Variants in DOCK10 observed in about 807,000 individuals in gnomAD.
The protein encoded by DOCK10 is dedicator of cytokinesis protein 10.
Under a neutral mutation model 280.1 loss-of-function variants are expected in DOCK10, and 145 were observed. That is an observed-to-expected ratio of 0.52 (90% CI 0.45 to 0.59). The LOEUF is 0.59. Ranked by LOEUF, DOCK10 falls within the 20% of genes least tolerant of loss-of-function variation. The probability of loss-of-function intolerance (pLI) is 0.00; values close to 1 mark genes in which losing one functional copy is unlikely to be tolerated. For missense variants in DOCK10, 2,368 were observed against 2,651.7 expected, an observed-to-expected ratio of 0.89 and a Z score of 2.35; for synonymous variants, 915 against 942.2, an observed-to-expected ratio of 0.97 and a Z score of 0.53.
chr2:224,791,241 T>C (rs576838293), intron 47 of DOCK10, among the ~76,000 whole-genome samples: 2 of 152,232 alleles, frequency 1.3e-5, no homozygotes, highest in South Asian at 4.1e-4. Flanking sequence ...TGATAAGCAA[T>C]AGATGAGGAG....
intron 19 of DOCK10, among the ~76,000 whole-genome samples, chr2:224,846,621 C>T (rs1270390887): frequency 3.3e-5 from 5 of 151,832 alleles, no homozygotes; most frequent in African/African-American, 7.3e-5. Context: ...CTCAGCCTCC[C>T]GAGTAGCTGG....
chr2:224,985,665 AC>A lies in DOCK10; in HGVS notation c.124-53998del, dbSNP rs577119998. 1.4e-4 allele frequency among the ~76,000 whole-genome samples: 22 copies of A among 151,940 alleles called. No homozygotes were observed. In the East Asian group the frequency reaches 4.2e-3, roughly 29 times the overall value. ...AAGAGAAAAACGAATGAAGGGACTA[AC>A]AAAAACCACCAAAATCGTACTGAAT... is the stretch of plus-strand genomic sequence containing the variant. On this transcript the variant is annotated intron_variant, in intron 1 of 55. Transcript: ENST00000258390.
intron 1 of DOCK10, among the ~76,000 whole-genome samples, chr2:224,998,598 C>A (rs1398686040): frequency 6.6e-6 from 1 of 152,138 alleles, no homozygotes; most frequent in Non-Finnish European, 1.5e-5. Flanking sequence ...TAAAATAACT[C>A]CCCCACAACA....
chr2:224,931,482 G>T, intron 2 of DOCK10, 67 bp downstream of exon 2: 1 of 1,515,954 alleles, frequency 6.6e-7, no homozygotes. Flanking sequence ...TGAATCTACA[G>T]GGAAAGACAA....
In DOCK10 at chr2:224,796,355, T is replaced by C; in HGVS notation, c.4899A>G (p.Ala1633=). Residue 1633 remains alanine (A), a synonymous_variant, in exon 44 of 56, where the codon GCA becomes GCG. Coordinates refer to ENST00000258390, the MANE Select transcript of DOCK10 (RefSeq NM_014689.3). The stretch of plus-strand genomic sequence containing the variant: ...CTCCATTGGCGAAATTATTGGTAAT[T>C]GCAAGCGAATGTTGAAACCGAGAGC... ...IGGSRFQHSL[A]ITNNFANGDK... The C allele has an allele frequency of 6.4e-7, 1 of 1,573,116 alleles. No homozygotes were observed. Among genetic ancestry groups the C allele is most frequent in the Non-Finnish European group, 8.6e-7 (1 of 1,157,958 alleles).
chr2:224,941,486 G>A (rs1241189066), intron 1 of DOCK10, among the ~76,000 whole-genome samples: 2 of 152,114 alleles, frequency 1.3e-5, no homozygotes, highest in Non-Finnish European at 2.9e-5. Context: ...GGCTGGGGCT[G>A]GTATAATAAG....
chr2:224,846,672 T>A (rs1696376161), intron 19 of DOCK10, among the ~76,000 whole-genome samples: 1 of 152,174 alleles, frequency 6.6e-6, no homozygotes. Context: ...AATTTTTGTA[T>A]TTTTTGTAGA....
chr2:224,916,754 A>G lies in DOCK10; in HGVS notation c.274T>C (p.Leu92=), dbSNP rs1357860184. The change falls in exon 3 of 56, where the codon TTG becomes CTG. Residue 92 remains leucine, a synonymous_variant. Coordinates refer to ENST00000258390, the MANE Select transcript of DOCK10 (RefSeq NM_014689.3). ...GCATCTTCAGGTACTGTTGAGTACA[A>G]CGTGCGGATATCCCAGGAAACTGTG... ...AATVSWDIRT[L]YSTVPEDAEH... 1.2e-6 allele frequency: 2 copies of G among 1,611,080 alleles called. No individual in the cohort carries two copies. Among genetic ancestry groups the G allele is most frequent in the Non-Finnish European group, 1.7e-6 (2 of 1,178,612 alleles).
chr2:224,963,727 A>C (rs1383761883), intron 1 of DOCK10, among the ~76,000 whole-genome samples: 2 of 152,220 alleles, frequency 1.3e-5, no homozygotes, highest in Admixed American at 6.5e-5. Context: ...TCAAGTAGTA[A>C]TTTTATATTA....
At chr2:224,873,594 CA>C (rs35401247) in intron 11 of DOCK10, among the ~76,000 whole-genome samples, 3,356 of 33,432 alleles carry the variant, frequency 0.1, 11 homozygotes, top group South Asian at 0.18. Flanking sequence ...AAGACCATCT[CA>C]AAAAAAAAAA....
intron 1 of DOCK10, among the ~76,000 whole-genome samples, chr2:225,031,032 C>CCTA (rs780111207): frequency 1.3e-5 from 2 of 152,152 alleles, no homozygotes; most frequent in African/African-American, 2.4e-5. Flanking sequence ...TTAGTAAGCA[C>CCTA]CTACTATGTG....
chr2:224,780,730 G>A (rs1365276498), intron 50 of DOCK10, among the ~76,000 whole-genome samples: 7 of 151,838 alleles, frequency 4.6e-5, no homozygotes, highest in South Asian at 4.2e-4. Context: ...GTGAAACCCC[G>A]TCTCTCTAAA....
intron 1 of DOCK10, among the ~76,000 whole-genome samples, chr2:224,944,704 C>A (rs193018254): frequency 1.3e-5 from 2 of 152,120 alleles, no homozygotes; most frequent in African/African-American, 4.8e-5. Context: ...TTCTTGGATT[C>A]CAAAATGAAA....
chr2:224,819,443 T>C lies in DOCK10; in HGVS notation c.3267+3A>G, dbSNP rs2125314992. On this transcript the variant is annotated splice_donor_region_variant and intron_variant, in intron 29 of 55. Coordinates refer to ENST00000258390, the MANE Select transcript of DOCK10 (RefSeq NM_014689.3). ...AACAATCACTCCTGTACGTGGTTCT[T>C]ACCTTAAGGTCACCGGAGGAGAACA... The C allele has an allele frequency of 3.1e-6, 5 of 1,594,456 alleles. No homozygotes were observed. Among genetic ancestry groups the C allele is most frequent in the Non-Finnish European group, 4.3e-6 (5 of 1,166,868 alleles).
In DOCK10 at chr2:224,886,537, ATT is replaced by A; in HGVS notation, c.417-8_417-7del. On this transcript the variant is annotated splice_region_variant and splice_polypyrimidine_tract_variant and intron_variant, in intron 4 of 55. Transcript: ENST00000258390. Reference sequence around the variant, plus strand: ...TCTCTGGTTTGTATTCTGCTCTGATATTAAAAAAAAAAAAAGATTCTGATTTG... The same window carrying A: ...TCTCTGGTTTGTATTCTGCTCTGATAAAAAAAAAAAAAAGATTCTGATTTG... The A allele has an allele frequency of 6.4e-7, 1 of 1,569,840 alleles. No individual in the cohort carries two copies. Among genetic ancestry groups the A allele is most frequent in the Admixed American group, 1.8e-5 (1 of 56,614 alleles).
intron 16 of DOCK10, among the ~76,000 whole-genome samples, chr2:224,854,293 A>C (rs1272048159): frequency 6.6e-6 from 1 of 152,008 alleles, no homozygotes; most frequent in Non-Finnish European, 1.5e-5. Context: ...AACCAATTTT[A>C]CCACTTAAAA....
At chr2:225,036,967 A>G (rs1690278390) in intron 1 of DOCK10, among the ~76,000 whole-genome samples, 1 of 151,118 alleles carries the variant, frequency 6.6e-6, no homozygotes, top group South Asian at 2.1e-4. Flanking sequence ...TTGTCATCTC[A>G]CATGCATCTT....
intron 1 of DOCK10, among the ~76,000 whole-genome samples, chr2:224,962,219 CTT>C (rs138649970): frequency 0.022 from 3,372 of 152,268 alleles, 134 homozygotes; most frequent in African/African-American, 0.077. Context: ...GAATGCATAA[CTT>C]AAATAAATAC....
At chr2:224,891,994 A>G (rs899920355) in intron 4 of DOCK10, among the ~76,000 whole-genome samples, 3 of 152,230 alleles carry the variant, frequency 2.0e-5, no homozygotes, top group Non-Finnish European at 2.9e-5. Context: ...TGTCAACCAC[A>G]TATCAGAAAA....
Sources: allele counts gnomAD v4.1 joint callset (sites outside exome capture counted in the v4.1 genomes callset), GRCh38; gene constraint gnomAD v4.1.1; transcripts MANE v1.5; gene names NCBI Gene and HGNC (gene_info 2026-07-23, HGNC 2026-07-21).